LRRC49: variants seen among roughly 807,000 people sequenced by gnomAD.
LRRC49 encodes leucine-rich repeat-containing protein 49.
LRRC49 carries 50 observed loss-of-function variants against 83.3 expected under a neutral mutation model. The observed-to-expected ratio is 0.60, with a 90% confidence interval of 0.48 to 0.76. The LOEUF is 0.76. LRRC49 is among the 30% of genes least tolerant of loss of function. The pLI is 0.00. For missense variants in LRRC49, 704 were observed against 809.1 expected, an observed-to-expected ratio of 0.87 and a Z score of 1.58; for synonymous variants, 286 against 283.3, an observed-to-expected ratio of 1.01 and a Z score of -0.10.
At chr15:70,988,537 T>G (rs1173121791) in intron 11 of LRRC49, among the ~76,000 whole-genome samples, 2 of 152,154 alleles carry the variant, frequency 1.3e-5, no homozygotes, top group African/African-American at 4.8e-5. Flanking sequence ...TGTCTCTGCA[T>G]GTGAGATGGG....
In LRRC49 at chr15:71,052,687, TCTC is replaced by T. The variant is rs1196713623; in HGVS notation, c.*3078_*3080del. On this transcript the variant is annotated 3_prime_UTR_variant, in exon 16 of 16. Transcript: ENST00000260382. ...GCTCTTTGTATACATTCTCATTTAA[TCTC>T]CTAACACTGCGATATATATATGATA... The T allele has an allele frequency of 6.6e-6, 1 of 152,104 alleles. No homozygotes were observed. Among genetic ancestry groups the T allele is most frequent in the African/African-American group, 2.4e-5 (1 of 41,412 alleles). 9.4% of individuals were successfully genotyped at this position (152,104 alleles called of 1,614,324 possible).
intron 14 of LRRC49, among the ~76,000 whole-genome samples, chr15:71,014,453 G>T (rs558711899): frequency 5.2e-4 from 79 of 151,970 alleles, no homozygotes; most frequent in African/African-American, 1.9e-3. Flanking sequence ...TCAACGAAAA[G>T]CAGGAAGGAA....
intron 9 of LRRC49, among the ~76,000 whole-genome samples, chr15:70,979,652 G>A (rs2037329217): frequency 1.3e-5 from 2 of 151,950 alleles, no homozygotes; most frequent in African/African-American, 2.4e-5. Context: ...TATAATTGGA[G>A]TTTTAAAAGA....
chr15:70,907,455 C>T (rs960673168), intron 5 of LRRC49: 1 of 152,588 alleles, frequency 6.6e-6, no homozygotes, highest in Non-Finnish European at 1.5e-5. Flanking sequence ...TTCTTATTCT[C>T]TAATTGTTCT....
At chr15:70,889,152 C>T (rs1228505898), upstream of LRRC49, among the ~76,000 whole-genome samples, 1 of 152,146 alleles carries the variant, frequency 6.6e-6, no homozygotes, top group Non-Finnish European at 1.5e-5. Flanking sequence ...ATGGTAGTAT[C>T]ACTTATGATA....
At chr15:71,010,712 C>A (rs961285043) in intron 13 of LRRC49, among the ~76,000 whole-genome samples, 1 of 151,752 alleles carries the variant, frequency 6.6e-6, no homozygotes, top group African/African-American at 2.4e-5. Context: ...GGTAATCCCC[C>A]AGCTACTCAA....
chr15:70,872,342 G>A (rs1385883622), intron 1 of LRRC49, among the ~76,000 whole-genome samples: 1 of 151,980 alleles, frequency 6.6e-6, no homozygotes, highest in African/African-American at 2.4e-5. Context: ...CGAGATTGCG[G>A]CAGCACAGTC....
In LRRC49 at chr15:70,936,504, G is replaced by C. The variant is rs571186488; in HGVS notation, c.712-257G>C. On this transcript the variant is annotated intron_variant, in intron 7 of 15. Transcript: ENST00000260382. ...TCTTTCCCAAAAGCATGCTTAAAGA[G>C]GCTAGCGGCAGCGTCTCTCCCTGTC... 40 of 366,328 alleles carry C rather than the reference G, an allele frequency of 1.1e-4. 1 individual carries two copies. Among genetic ancestry groups the C allele is most frequent in the African/African-American group, 8.2e-4 (40 of 48,668 alleles). The allele number at this position is 366,328 out of a possible 1,614,324, so 22.7% of individuals were successfully genotyped here.
chr15:70,995,769 A>T (rs1038107471), intron 11 of LRRC49, among the ~76,000 whole-genome samples: 1 of 152,210 alleles, frequency 6.6e-6, no homozygotes, highest in Admixed American at 6.5e-5. Context: ...AATAACTTAA[A>T]ATCATAGCGT....
At chr15:71,045,303 A>G (rs772052442) in intron 15 of LRRC49, among the ~76,000 whole-genome samples, 1 of 152,224 alleles carries the variant, frequency 6.6e-6, no homozygotes, top group Non-Finnish European at 1.5e-5. Context: ...ATTTTACAAT[A>G]AACATCCATA....
chr15:70,882,665 G>C, intron 2 of LRRC49: 1 of 1,612,640 alleles, frequency 6.2e-7, no homozygotes, highest in Non-Finnish European at 8.5e-7. Flanking sequence ...AAGAGAATAA[G>C]CATAAGTACC....
intron 10 of LRRC49, among the ~76,000 whole-genome samples, chr15:70,980,952 A>T (rs2037375939): frequency 6.6e-6 from 1 of 152,156 alleles, no homozygotes; most frequent in African/African-American, 2.4e-5. Flanking sequence ...ACTACTTGGG[A>T]GGCTAAGGTA....
chr15:70,918,732 G>A (rs1380621387), intron 6 of LRRC49: 2 of 187,944 alleles, frequency 1.1e-5, no homozygotes, highest in Non-Finnish European at 2.2e-5. Context: ...TATTTGGCAG[G>A]TAGTATGTAG....
intron 8 of LRRC49, among the ~76,000 whole-genome samples, chr15:70,940,018 G>A (rs368227250): frequency 6.6e-6 from 1 of 151,528 alleles, no homozygotes; most frequent in African/African-American, 2.4e-5. Flanking sequence ...CCTCCGGGCT[G>A]TTTTCAAAAT....
intron 5 of LRRC49, among the ~76,000 whole-genome samples, chr15:70,908,931 G>A (rs1294100940): frequency 2.0e-5 from 3 of 152,210 alleles, no homozygotes; most frequent in African/African-American, 4.8e-5. Flanking sequence ...TAGCTTGTAT[G>A]ATTAGAAGCA....
chr15:70,959,603 G>GGAAGGAAGGAAGGT, intron 8 of LRRC49, among the ~76,000 whole-genome samples: 1 of 123,524 alleles, frequency 8.1e-6, no homozygotes, highest in African/African-American at 3.2e-5. Context: ...GGAAGGAAGG[G>GGAAGGAAGGAAGGT]AGGGAAATTC....
chr15:70,930,642 G>A (rs1406196971), intron 7 of LRRC49, among the ~76,000 whole-genome samples: 2 of 152,186 alleles, frequency 1.3e-5, no homozygotes, highest in East Asian at 3.9e-4. Flanking sequence ...CCAATAGAAG[G>A]CTGTTTCTCT....
At chr15:70,973,024 C>T (rs1435996424) in intron 9 of LRRC49, among the ~76,000 whole-genome samples, 1 of 152,014 alleles carries the variant, frequency 6.6e-6, no homozygotes, top group Non-Finnish European at 1.5e-5. Flanking sequence ...AGTTTTGTTC[C>T]CTTGCTGGTG....
intron 1 of LRRC49, chr15:70,859,021 C>G (rs866237649): frequency 8.5e-7 from 1 of 1,182,936 alleles, no homozygotes; most frequent in Middle Eastern, 1.9e-4. Context: ...ACAAGTTTGC[C>G]TCCTTCATAG....
Sources: allele counts gnomAD v4.1 joint callset (sites outside exome capture counted in the v4.1 genomes callset), GRCh38; gene constraint gnomAD v4.1.1; transcripts MANE v1.5; gene names NCBI Gene and HGNC (gene_info 2026-07-23, HGNC 2026-07-21).